Variants in ADGRB2 observed in about 807,000 individuals in gnomAD.
The protein encoded by ADGRB2 is brain-specific angiogenesis inhibitor 2.
A neutral mutation model predicts 178.7 loss-of-function variants in ADGRB2; 47 were observed. The observed-to-expected ratio is 0.26, with a 90% CI of 0.21 to 0.34. The LOEUF (loss-of-function observed/expected upper bound fraction) is 0.34. ADGRB2 is among the 10% of genes least tolerant of loss of function. The pLI is 1.00. For missense variants in ADGRB2, 1,584 were observed against 2,180.8 expected, an observed-to-expected ratio of 0.73 and a Z score of 5.45; for synonymous variants, 870 against 912.4, an observed-to-expected ratio of 0.95 and a Z score of 0.84.
At position 31,740,078 on chromosome 1, in the gene ADGRB2, C is replaced by T. The variant is rs375098012; in HGVS notation, c.2058+32G>A. On this transcript the variant is annotated intron_variant, in intron 13 of 32. Coordinates refer to ENST00000373658, the MANE Select transcript of ADGRB2 (RefSeq NM_001364857.2). The surrounding 1 kb of genome is among the most constrained non-coding windows in gnomAD (Gnocchi z 5.9). The stretch of plus-strand genomic sequence containing the variant: ...TAAGGGTCCAAGGCAGGGTGGGTCA[C>T]GGGAGGAGAAGCTGGCAGCTGTGCC... 2.6e-4 allele frequency: 425 copies of T among 1,614,120 alleles called. 1 individual carries two copies. The highest frequency in any genetic ancestry group is 3.2e-4 in the Non-Finnish European group (377 of 1,179,990).
Position 31,740,895 on chromosome 1 carries a change from G to GCGCACACACACACA in ADGRB2, c.1795-355_1795-354insTGTGTGTGTGTGCG, listed in dbSNP as rs1553185114. Among the ~76,000 whole-genome samples the GCGCACACACACACA allele has an allele frequency of 4.6e-4, 65 of 140,480 alleles. No homozygotes were observed. In the East Asian group the frequency reaches 5.8e-3, roughly 13 times the overall value. The allele number at this position is 140,480 out of a possible 152,430, so 92.2% of individuals were successfully genotyped here. On this transcript the variant is annotated intron_variant, in intron 11 of 32. Coordinates refer to ENST00000373658, the MANE Select transcript of ADGRB2 (RefSeq NM_001364857.2). This position sits in a 1 kb window ranked among gnomAD's most constrained non-coding sequence, Gnocchi z 5.9. ...AATGAGCATGTGTGTGGGCGCGCGC[G>GCGCACACACACACA]CACACACACACACACACACACACAC...
chr1:31,756,849 G>C lies in ADGRB2; in HGVS notation c.22-34C>G, dbSNP rs946199056. 7.6e-6 allele frequency: 11 copies of C among 1,447,352 alleles called. No homozygotes were observed. The highest frequency in any genetic ancestry group is 2.9e-5 in the African/African-American group (2 of 69,624). The allele number at this position is 1,447,352 out of a possible 1,614,324, so 89.7% of individuals were successfully genotyped here. A position where few individuals can be genotyped will look rare whatever the true frequency, so the allele number is the denominator to read the frequency against. On this transcript the variant is annotated intron_variant, in intron 3 of 32. Coordinates refer to ENST00000373658, the MANE Select transcript of ADGRB2 (RefSeq NM_001364857.2). This position sits in a 1 kb window ranked among gnomAD's most constrained non-coding sequence, Gnocchi z 8.5. ...AGAGACAGTGGTCAGCGGGCCCCCA[G>C]CACAGCCAGCATGGGCTCTGAACCT...
chr1:31,732,008 G>C, intron 28 of ADGRB2, 107 bp downstream of exon 28: 2 of 1,452,660 alleles, frequency 1.4e-6, no homozygotes, highest in Non-Finnish European at 1.9e-6. Flanking sequence ...CTTCGAAGCT[G>C]GACTCCAGCA....
chr1:31,727,342 T>G lies in ADGRB2; in HGVS notation c.*78A>C. 4.1e-6 allele frequency: 6 copies of G among 1,470,504 alleles called. No homozygotes were observed. The highest frequency in any genetic ancestry group is 5.4e-6 in the Non-Finnish European group (6 of 1,115,344). The allele number at this position is 1,470,504 out of a possible 1,614,324, so 91.1% of individuals were successfully genotyped here. On this transcript the variant is annotated 3_prime_UTR_variant, in exon 33 of 33. Coordinates refer to ENST00000373658, the MANE Select transcript of ADGRB2 (RefSeq NM_001364857.2). This position sits in a 1 kb window ranked among gnomAD's most constrained non-coding sequence, Gnocchi z 4.4. ...TCGGGAGAGGGGAGAGGGCGCTGGC[T>G]CCTGGGTAGTTCCAAAGTGGAGTGT... is the stretch of plus-strand genomic sequence containing the variant.
Position 31,740,323 on chromosome 1 carries a change from G to A in ADGRB2, c.1989+24C>T, listed in dbSNP as rs771792001. 30 of 1,606,072 alleles carry A rather than the reference G, an allele frequency of 1.9e-5. No individual in the cohort carries two copies. Among genetic ancestry groups the A allele is most frequent in the Non-Finnish European group, 2.4e-5 (28 of 1,174,692 alleles). On this transcript the variant is annotated intron_variant, in intron 12 of 32. Transcript: ENST00000373658. The surrounding 1 kb of genome is among the most constrained non-coding windows in gnomAD (Gnocchi z 5.9). ...TCAGTTTGGGCCTTCTCCACCCTCC[G>A]CCCTCCTTCCTCCTAGGCAGTACCT... is the stretch of plus-strand genomic sequence containing the variant.
In ADGRB2 at chr1:31,761,460, G is replaced by T. The variant is rs1647040286; in HGVS notation, c.-191+2424C>A. Among the ~76,000 whole-genome samples, 1 of 152,214 alleles carries T rather than the reference G, an allele frequency of 6.6e-6. No homozygotes were observed. The highest frequency in any genetic ancestry group is 2.1e-4 in the South Asian group (1 of 4,832). On this transcript the variant is annotated intron_variant, in intron 1 of 32. Transcript: ENST00000373658. The surrounding 1 kb of genome is among the most constrained non-coding windows in gnomAD (Gnocchi z 4.2). The stretch of plus-strand genomic sequence containing the variant: ...TTTCCCACCTGGGCTCCCCCTAACA[G>T]GCTGCCTGCCTTCGGGGACTCTGAC...
chr1:31,735,057 G>A lies in ADGRB2; in HGVS notation c.3452+126C>T, dbSNP rs1645502979. The A allele has an allele frequency of 6.4e-6, 6 of 942,998 alleles. No homozygotes were observed. Among genetic ancestry groups the A allele is most frequent in the Admixed American group, 3.3e-5 (1 of 29,930 alleles). The allele number at this position is 942,998 out of a possible 1,614,324, so 58.4% of individuals were successfully genotyped here. On this transcript the variant is annotated intron_variant, in intron 25 of 32. Transcript: ENST00000373658. This position sits in a 1 kb window ranked among gnomAD's most constrained non-coding sequence, Gnocchi z 6.0. ...AGCCCTTGAGAGTGTGTGGTGGCTG[G>A]CAGGAAAGGGCAAGCTTTCCAGGGC...
intron 4 of ADGRB2, among the ~76,000 whole-genome samples, chr1:31,748,812 C>T (rs546722319): frequency 1.3e-5 from 2 of 152,258 alleles, no homozygotes; most frequent in Admixed American, 6.5e-5. Context: ...AATAAGGCAA[C>T]GTTTACTAAA....
intron 29 of ADGRB2, among the ~76,000 whole-genome samples, chr1:31,729,507 C>A (rs531816845): frequency 6.6e-6 from 1 of 152,346 alleles, no homozygotes; most frequent in Non-Finnish European, 1.5e-5. Flanking sequence ...CTGCCTTTAC[C>A]ACACACACGT....
intron 4 of ADGRB2, among the ~76,000 whole-genome samples, chr1:31,746,546 C>T (rs1277275820): frequency 6.6e-6 from 1 of 152,188 alleles, no homozygotes; most frequent in Non-Finnish European, 1.5e-5. Flanking sequence ...GCTCCACATC[C>T]GCTGGGCGCC....
At position 31,744,358 on chromosome 1, in the gene ADGRB2, C is replaced by T. The variant is rs1443908805; in HGVS notation, c.923-1G>A. On this transcript the variant is annotated splice_acceptor_variant, in intron 5 of 32. Coordinates refer to ENST00000373658, the MANE Select transcript of ADGRB2 (RefSeq NM_001364857.2). LOFTEE classifies it high-confidence loss of function. This position sits in a 1 kb window ranked among gnomAD's most constrained non-coding sequence, Gnocchi z 6.7. ...GACCACTCCTCAGCCGCCGGGTCGCCTACGAGAGAGGGACAGCGTCGGCGG... is the reference window on the plus strand; with the variant it reads ...GACCACTCCTCAGCCGCCGGGTCGCTTACGAGAGAGGGACAGCGTCGGCGG... The T allele has an allele frequency of 6.5e-7, 1 of 1,550,336 alleles. No homozygotes were observed. Among genetic ancestry groups the T allele is most frequent in the Non-Finnish European group, 8.7e-7 (1 of 1,146,822 alleles).
Position 31,745,851 on chromosome 1 carries a change from T to C in ADGRB2, c.839-1120A>G, listed in dbSNP as rs142188237. 3.9e-3 allele frequency among the ~76,000 whole-genome samples: 601 copies of C among 152,238 alleles called. 3 individuals carry two copies. The highest frequency in any genetic ancestry group is 5.8e-3 in the Non-Finnish European group (397 of 68,002). ...TCTGCAGCTGAGAGGAAGCTCTTTCTCACCAAGCATGAGGAGCAGCCACCC... is the reference window on the plus strand; with the variant it reads ...TCTGCAGCTGAGAGGAAGCTCTTTCCCACCAAGCATGAGGAGCAGCCACCC... On this transcript the variant is annotated intron_variant, in intron 4 of 32. Coordinates refer to ENST00000373658, the MANE Select transcript of ADGRB2 (RefSeq NM_001364857.2).
rs114298295 is a variant in ADGRB2, at chr1:31,759,990, C to G, written c.-190-2479G>C. Among the ~76,000 whole-genome samples, 3 of 152,198 alleles carry G rather than the reference C, an allele frequency of 2.0e-5. No homozygotes were observed. Among genetic ancestry groups the G allele is most frequent in the Non-Finnish European group, 2.9e-5 (2 of 68,032 alleles). On this transcript the variant is annotated intron_variant, in intron 1 of 32. Coordinates refer to ENST00000373658, the MANE Select transcript of ADGRB2 (RefSeq NM_001364857.2). This position sits in a 1 kb window ranked among gnomAD's most constrained non-coding sequence, Gnocchi z 4.3. ...CTCCCAACAAGTTCCCAGCACAGAG[C>G]CTAGCTCACAGCCCTGTCTCCTCTC...
In ADGRB2 at chr1:31,728,146, C is replaced by T; in HGVS notation, c.4515+36G>A. The T allele has an allele frequency of 6.2e-7, 1 of 1,613,806 alleles. No homozygotes were observed. ...CCACTGCACCAGGTCAGGCCCTGAG[C>T]TTCAGGGCAGGGGCAGCCACGGGAG... On this transcript the variant is annotated intron_variant, in intron 31 of 32. Coordinates refer to ENST00000373658, the MANE Select transcript of ADGRB2 (RefSeq NM_001364857.2). This position sits in a 1 kb window ranked among gnomAD's most constrained non-coding sequence, Gnocchi z 6.7.
In ADGRB2 at chr1:31,735,510, A is replaced by G; in HGVS notation, c.3353+70T>C. On this transcript the variant is annotated intron_variant, in intron 24 of 32. Transcript: ENST00000373658. The surrounding 1 kb of genome is among the most constrained non-coding windows in gnomAD (Gnocchi z 6.0). ...TCGCATCATCGAGCCCTGAGTCTCC[A>G]AGAGCACCCATGTCCCTCCCTCCCT... The G allele has an allele frequency of 6.4e-7, 1 of 1,556,906 alleles. No homozygotes were observed. Among genetic ancestry groups the G allele is most frequent in the Non-Finnish European group, 8.8e-7 (1 of 1,134,324 alleles).
At position 31,750,675 on chromosome 1, in the gene ADGRB2, C is replaced by T. The variant is rs111723933; in HGVS notation, c.838+5324G>A. Reference sequence around the variant, plus strand: ...TGGTCCCAGAGCCCTGAGCAGGAGCCGACTGATCCCCTTGACACATGCTCT... The same window carrying T: ...TGGTCCCAGAGCCCTGAGCAGGAGCTGACTGATCCCCTTGACACATGCTCT... On this transcript the variant is annotated intron_variant, in intron 4 of 32. Transcript: ENST00000373658. Among the ~76,000 whole-genome samples the T allele has an allele frequency of 7.9e-3, 1,196 of 152,246 alleles. 13 individuals carry two copies. Among genetic ancestry groups the T allele is most frequent in the East Asian group, 0.036 (185 of 5,180 alleles).
rs1645606432 is a variant in ADGRB2, at chr1:31,736,355, A to G, written c.3166T>C (p.Phe1056Leu). 1.9e-6 allele frequency: 3 copies of G among 1,613,950 alleles called. No homozygotes were observed. The South Asian group carries it at 3.3e-5, about 18-fold the overall frequency. Residue 1056 changes from phenylalanine to leucine, a missense_variant, in exon 22 of 33, where the codon TTT (phenylalanine) becomes CTT (leucine). Physicochemically the swap from Phe to Leu is conservative, Grantham distance 22. Transcript: ENST00000373658. ...PALVVAVSVG[F>L]TRTKGYGTSS... is the part of the protein sequence containing the mutation. ...GTACCGTATCCTTTCGTTCGGGTAA[A>G]GCCAACAGACACGGCCACCACCAGG...
chr1:31,742,713 C>T, intron 7 of ADGRB2, 125 bp downstream of exon 7: 2 of 1,166,390 alleles, frequency 1.7e-6, no homozygotes, highest in Non-Finnish European at 2.3e-6. Context: ...TCCAGTCTCC[C>T]CATGCTTGGT....
At chr1:31,752,793 G>C (rs1235434401) in intron 4 of ADGRB2, among the ~76,000 whole-genome samples, 3 of 152,058 alleles carry the variant, frequency 2.0e-5, no homozygotes, top group Non-Finnish European at 2.9e-5. Context: ...ATAACTGGGG[G>C]TTCTGAGGCC....
Sources: allele counts gnomAD v4.1 joint callset (sites outside exome capture counted in the v4.1 genomes callset), GRCh38; gene constraint gnomAD v4.1.1; non-coding constraint Gnocchi (gnomAD v3.1); transcripts MANE v1.5; gene names NCBI Gene and HGNC (gene_info 2026-07-23, HGNC 2026-07-21).